The following PCDH15 variants were observed in gnomAD, a reference collection of about 807,000 sequenced individuals.
The protein encoded by PCDH15 is protocadherin-15.
PCDH15 carries 129 observed loss-of-function variants against 178.5 expected under a neutral mutation model. The ratio of observed to expected loss-of-function variants is 0.72; its 90% confidence interval spans 0.63 to 0.84. The LOEUF (loss-of-function observed/expected upper bound fraction) is 0.84, where lower values mean the gene tolerates loss of function less well. PCDH15 is among the 40% of genes least tolerant of loss of function. The probability of loss-of-function intolerance (pLI) is 0.00; values close to 1 mark genes in which losing one functional copy is unlikely to be tolerated. For missense variants in PCDH15, 2,230 were observed against 2,099.9 expected (o/e 1.06, Z -1.21); for synonymous variants, 800 against 732.0 (o/e 1.09, Z -1.50).
intron 2 of PCDH15, among the ~76,000 whole-genome samples, chr10:55,462,061 T>C (rs1839691596): frequency 6.6e-6 from 1 of 152,000 alleles, no homozygotes; most frequent in African/African-American, 2.4e-5. Flanking sequence ...GAGACAAGGG[T>C]AAATAGATAT....
At chr10:54,360,551 C>A (rs17727669) in intron 5 of PCDH15, among the ~76,000 whole-genome samples, 4 of 151,820 alleles carry the variant, frequency 2.6e-5, no homozygotes, top group Non-Finnish European at 5.9e-5. Flanking sequence ...TTCATGGGTC[C>A]CATTTCATTA....
intron 2 of PCDH15, among the ~76,000 whole-genome samples, chr10:55,341,236 T>C (rs528401508): frequency 1.3e-3 from 192 of 152,112 alleles, no homozygotes; most frequent in African/African-American, 4.5e-3. Context: ...CTATCAACAA[T>C]AGATTCATCT....
intron 26 of PCDH15, among the ~76,000 whole-genome samples, chr10:53,874,134 TG>T (rs1320728742): frequency 6.6e-6 from 1 of 152,148 alleles, no homozygotes; most frequent in East Asian, 1.9e-4. Flanking sequence ...AGAATTTTTT[TG>T]TTTTTTTTAC....
At chr10:54,573,752 C>A (rs894586117) in intron 2 of PCDH15, among the ~76,000 whole-genome samples, 9 of 151,994 alleles carry the variant, frequency 5.9e-5, no homozygotes, top group African/African-American at 9.7e-5. Flanking sequence ...CTTACCCTAC[C>A]CTCTCTGTGT....
At chr10:55,459,241 A>AAAAAAAAAAAAAAAAG (rs10647110) in intron 2 of PCDH15, among the ~76,000 whole-genome samples, 1 of 134,242 alleles carries the variant, frequency 7.4e-6, no homozygotes, top group Non-Finnish European at 1.5e-5. Flanking sequence ...GCAAAAAAAA[A>AAAAAAAAAAAAAAAAG]AAAGAAGGAA....
At chr10:54,224,635 T>A (rs1415353730) in intron 9 of PCDH15, among the ~76,000 whole-genome samples, 2 of 152,160 alleles carry the variant, frequency 1.3e-5, no homozygotes, top group African/African-American at 4.8e-5. Flanking sequence ...ATTTTGTTGA[T>A]AATTTTAACC....
intron 2 of PCDH15, among the ~76,000 whole-genome samples, chr10:55,375,247 A>T (rs1284565314): frequency 1.3e-5 from 2 of 152,126 alleles, no homozygotes; most frequent in African/African-American, 4.8e-5. Flanking sequence ...TGTTCCTGAA[A>T]GGTATCAAAT....
intron 1 of PCDH15, among the ~76,000 whole-genome samples, chr10:55,229,412 T>A (rs1841147992): frequency 6.6e-6 from 1 of 151,556 alleles, no homozygotes; most frequent in South Asian, 2.1e-4. Context: ...CTATTCAATA[T>A]GTGAAGAAGG....
At chr10:55,251,360 C>A (rs1211132224) in intron 1 of PCDH15, among the ~76,000 whole-genome samples, 4 of 152,000 alleles carry the variant, frequency 2.6e-5, no homozygotes, top group Admixed American at 2.6e-4. Context: ...CGTACTCCAC[C>A]CCATCCCCAC....
Position 53,936,105 on chromosome 10 carries a change from C to T in PCDH15, c.3373+2710G>A, listed in dbSNP as rs142250692. 1.6e-3 allele frequency among the ~76,000 whole-genome samples: 248 copies of T among 152,236 alleles called. 3 individuals carry two copies. Among genetic ancestry groups the T allele is most frequent in the Admixed American group, 0.012 (189 of 15,286 alleles). ...TGAAATGACCACTTGGAGAGACAGT[C>T]ATCAATCCAGGCTTCAGAAATGTGG... On this transcript the variant is annotated intron_variant, in intron 25 of 37. Coordinates refer to ENST00000644397, the MANE Select transcript of PCDH15 (RefSeq NM_001384140.1).
intron 1 of PCDH15, among the ~76,000 whole-genome samples, chr10:55,282,478 A>G (rs868611884): frequency 1.3e-5 from 2 of 152,290 alleles, no homozygotes; most frequent in Middle Eastern, 3.4e-3. Context: ...TTTTACATTA[A>G]GTTTTAATAA....
chr10:55,358,781 G>C (rs533383926), intron 2 of PCDH15, among the ~76,000 whole-genome samples: 6 of 152,176 alleles, frequency 3.9e-5, no homozygotes, highest in Admixed American at 1.3e-4. Context: ...AACAAAACAG[G>C]CTTATTTTTG....
chr10:55,179,765 C>A (rs1398498808), intron 1 of PCDH15, among the ~76,000 whole-genome samples: 1 of 151,818 alleles, frequency 6.6e-6, no homozygotes, highest in African/African-American at 2.4e-5. Flanking sequence ...TGTATTGTTT[C>A]TGCTTGCTGA....
chr10:54,874,863 T>C (rs1374013141), intron 3 of PCDH15, among the ~76,000 whole-genome samples: 1 of 152,192 alleles, frequency 6.6e-6, no homozygotes, highest in African/African-American at 2.4e-5. Context: ...ACATGTTTTA[T>C]TGTCCTAATG....
chr10:55,546,164 C>T (rs1015985457), intron 2 of PCDH15, among the ~76,000 whole-genome samples: 1 of 152,030 alleles, frequency 6.6e-6, no homozygotes, highest in Non-Finnish European at 1.5e-5. Context: ...AGAAACAACA[C>T]TGGTTTTGAT....
intron 23 of PCDH15, among the ~76,000 whole-genome samples, chr10:53,941,484 T>A (rs2086061835): frequency 6.6e-6 from 1 of 152,168 alleles, no homozygotes; most frequent in South Asian, 2.1e-4. Context: ...CTCCTCAACA[T>A]CTATGGCTTG....
chr10:54,869,823 C>T (rs539394453), intron 3 of PCDH15, among the ~76,000 whole-genome samples: 2 of 152,274 alleles, frequency 1.3e-5, no homozygotes, highest in South Asian at 2.1e-4. Flanking sequence ...CACAGAACCA[C>T]TAGCACATCT....
chr10:54,631,046 T>A (rs2093687412), intron 2 of PCDH15, among the ~76,000 whole-genome samples: 1 of 152,126 alleles, frequency 6.6e-6, no homozygotes, highest in African/African-American at 2.4e-5. Flanking sequence ...CCCTACAATA[T>A]CTCATGTAAA....
intron 1 of PCDH15, among the ~76,000 whole-genome samples, chr10:55,243,848 A>G (rs1221408847): frequency 6.6e-6 from 1 of 152,138 alleles, no homozygotes; most frequent in East Asian, 1.9e-4. Flanking sequence ...GTTTAGAAGA[A>G]ATCATCTGTA....
Sources: gnomAD v4.1 joint callset for allele counts (sites outside exome capture counted in the v4.1 genomes callset) on GRCh38, gnomAD v4.1.1 for gene constraint, MANE v1.5 for transcripts, NCBI Gene and HGNC (gene_info 2026-07-23, HGNC 2026-07-21) for gene names.